The following UACA variants were observed in gnomAD, a reference collection of about 807,000 sequenced individuals.
UACA encodes nuclear membrane binding protein.
Under a neutral mutation model 160.5 loss-of-function variants are expected in UACA, and 112 were observed. The observed-to-expected ratio is 0.70, with a 90% CI of 0.60 to 0.82. UACA has a LOEUF of 0.82. Ranked by LOEUF, UACA falls within the 40% of genes least tolerant of loss-of-function variation. UACA has a pLI of 0.00. For missense variants in UACA, 1,574 were observed against 1,614.6 expected (o/e 0.97, Z 0.43); for synonymous variants, 557 against 568.4 (o/e 0.98, Z 0.29).
At chr15:70,693,640 T>C (rs1159683000) in intron 3 of UACA, among the ~76,000 whole-genome samples, 1 of 151,930 alleles carries the variant, frequency 6.6e-6, no homozygotes, top group African/African-American at 2.4e-5. Flanking sequence ...TATGAAATAA[T>C]GTCTGCTGAG....
chr15:70,709,712 CAGAA>C (rs1414032089), intron 1 of UACA, among the ~76,000 whole-genome samples: 1 of 152,126 alleles, frequency 6.6e-6, no homozygotes, highest in Non-Finnish European at 1.5e-5. Flanking sequence ...ATATTTAAGA[CAGAA>C]AGTCTCCTAA....
chr15:70,709,837 G>C (rs748574313), intron 1 of UACA, among the ~76,000 whole-genome samples: 2 of 152,138 alleles, frequency 1.3e-5, no homozygotes, highest in African/African-American at 2.4e-5. Flanking sequence ...AAATGATTAG[G>C]TAACTAGTTT....
chr15:70,686,554 C>T (rs1238242178), intron 7 of UACA, among the ~76,000 whole-genome samples: 1 of 136,768 alleles, frequency 7.3e-6, no homozygotes. Context: ...AGGTTAGTTA[C>T]ATATGTATAC....
intron 5 of UACA, 132 bp from the exon 6 acceptor site, chr15:70,687,952 T>C (rs1897790362): frequency 1.3e-6 from 1 of 786,864 alleles, no homozygotes; most frequent in Non-Finnish European, 2.0e-6. Context: ...CACTCTTAGT[T>C]TAGCATTATA....
At chr15:70,778,196 G>C in the UACA span, among the ~76,000 whole-genome samples, 1 of 144,690 alleles carries the variant, frequency 6.9e-6, no homozygotes, top group Non-Finnish European at 1.5e-5. Flanking sequence ...ATGAGACCTG[G>C]TCTCAAAAAA....
At chr15:70,711,001 T>TAG (rs1898666832) in intron 1 of UACA, among the ~76,000 whole-genome samples, 2 of 152,194 alleles carry the variant, frequency 1.3e-5, no homozygotes, top group Non-Finnish European at 2.9e-5. Context: ...TGGCTTGGTC[T>TAG]TTCTGGAAGA....
intron 18 of UACA, among the ~76,000 whole-genome samples, chr15:70,657,348 C>T (rs553163973): frequency 1.2e-4 from 19 of 152,288 alleles, no homozygotes; most frequent in South Asian, 4.1e-4. Flanking sequence ...TGGTGGCTCA[C>T]GCCTGCAATC....
intron 9 of UACA, 45 bp from the exon 10 acceptor site, chr15:70,679,721 A>G: frequency 7.6e-7 from 1 of 1,307,918 alleles, no homozygotes; most frequent in Non-Finnish European, 1.1e-6. Flanking sequence ...GTGTAAGAAT[A>G]CAGAAAAGTA....
At chr15:70,725,480 A>G (rs1253495427) in intron 1 of UACA, among the ~76,000 whole-genome samples, 1 of 152,204 alleles carries the variant, frequency 6.6e-6, no homozygotes, top group African/African-American at 2.4e-5. Context: ...TAATTGTCAA[A>G]GGGAACATTT....
At position 70,763,493 on chromosome 15, in the gene UACA, A is replaced by T. The variant is rs1254200977; in HGVS notation, c.-86T>A. 4 of 1,258,306 alleles carry T rather than the reference A, an allele frequency of 3.2e-6. No homozygotes were observed. Among genetic ancestry groups the T allele is most frequent in the East Asian group, 6.3e-5 (2 of 31,616 alleles). 77.9% of individuals were successfully genotyped at this position (1,258,306 alleles called of 1,614,324 possible). A position where few individuals can be genotyped will look rare whatever the true frequency, so the allele number is the denominator to read the frequency against. On this transcript the variant is annotated 5_prime_UTR_variant, in exon 1 of 19. Transcript: ENST00000322954. The stretch of plus-strand genomic sequence containing the variant: ...GAGTAGACGGCAGCGGCTGCAGCAG[A>T]GGCGGCGCGGGCTGTACCAGCCCCA...
At chr15:70,696,194 A>G (rs1307333722) in intron 2 of UACA, among the ~76,000 whole-genome samples, 2 of 152,174 alleles carry the variant, frequency 1.3e-5, no homozygotes, top group Non-Finnish European at 2.9e-5. Flanking sequence ...ACATTTTCCC[A>G]TTCACCAAAA....
Position 70,737,138 on chromosome 15 carries a change from T to A in UACA, c.78+26192A>T, listed in dbSNP as rs537664192. 2.0e-5 allele frequency among the ~76,000 whole-genome samples: 3 copies of A among 152,354 alleles called. No individual in the cohort carries two copies. In the East Asian group the frequency reaches 5.8e-4, roughly 29 times the overall value. On this transcript the variant is annotated intron_variant, in intron 1 of 18. Coordinates refer to ENST00000322954, the MANE Select transcript of UACA (RefSeq NM_018003.4). ...TAAAACCATTACTGTTCTGAGCTGA[T>A]AACTTAATTTGAATAGGTGGCCATC... is the stretch of plus-strand genomic sequence containing the variant.
Position 70,666,867 on chromosome 15 carries a change from C to G in UACA, c.3817G>C (p.Asp1273His), listed in dbSNP as rs2140898808. Residue 1273 changes from aspartate (D) to histidine (H), a missense_variant, in exon 16 of 19, where the codon GAT becomes CAT. By Grantham distance (81) the Asp-to-His change is moderately conservative. Transcript: ENST00000322954. ...HAKKKEISAK[D>H]EKELLHFSIE... Reference sequence around the variant, plus strand: ...CTGAAATGCAGTAATTCCTTCTCATCTTTTGCAGATATTTCCTTCTTTTTG... The same window carrying G: ...CTGAAATGCAGTAATTCCTTCTCATGTTTTGCAGATATTTCCTTCTTTTTG... 1 of 1,613,960 alleles carries G rather than the reference C, an allele frequency of 6.2e-7. No individual in the cohort carries two copies. Among genetic ancestry groups the G allele is most frequent in the South Asian group, 1.1e-5 (1 of 91,048 alleles).
chr15:70,776,667 G>T, the UACA span, among the ~76,000 whole-genome samples: 1 of 152,024 alleles, frequency 6.6e-6, no homozygotes, highest in Non-Finnish European at 1.5e-5. Context: ...GACCTCAGAT[G>T]ATCCACCTGC....
chr15:70,745,232 C>A (rs1667658029), intron 1 of UACA, among the ~76,000 whole-genome samples: 1 of 151,924 alleles, frequency 6.6e-6, no homozygotes, highest in South Asian at 2.1e-4. Context: ...GAGATCAAGA[C>A]CATCCTAGCT....
chr15:70,664,058 T>C (rs1341092004), intron 17 of UACA, among the ~76,000 whole-genome samples: 1 of 152,168 alleles, frequency 6.6e-6, no homozygotes, highest in Non-Finnish European at 1.5e-5. Context: ...TCAGTTATTA[T>C]TCTATTTTCT....
intron 1 of UACA, among the ~76,000 whole-genome samples, chr15:70,716,698 G>C (rs1387210152): frequency 6.6e-6 from 1 of 152,114 alleles, no homozygotes; most frequent in Non-Finnish European, 1.5e-5. Flanking sequence ...CCTCCTAAAA[G>C]AAGGAAAATA....
chr15:70,751,268 A>AT (rs932868612), intron 1 of UACA, among the ~76,000 whole-genome samples: 5 of 152,110 alleles, frequency 3.3e-5, no homozygotes, highest in South Asian at 2.1e-4. Context: ...TGCTCAATAA[A>AT]TTTTTTTCAT....
At chr15:70,696,304 C>T (rs1898126503) in intron 2 of UACA, among the ~76,000 whole-genome samples, 1 of 152,178 alleles carries the variant, frequency 6.6e-6, no homozygotes, top group Non-Finnish European at 1.5e-5. Context: ...TATAGTCTAT[C>T]AATCTCTTCC....
Sources: gnomAD v4.1 joint callset for allele counts (sites outside exome capture counted in the v4.1 genomes callset) on GRCh38, gnomAD v4.1.1 for gene constraint, MANE v1.5 for transcripts, NCBI Gene and HGNC (gene_info 2026-07-23, HGNC 2026-07-21) for gene names.